Variants in RBM48 observed in about 807,000 individuals in gnomAD.
RBM48 encodes the protein RNA-binding protein 48.
In RBM48, 32 loss-of-function variants were observed where a neutral mutation model predicts 34.8. That is an observed-to-expected ratio of 0.92 (90% CI 0.69 to 1.23). The LOEUF (loss-of-function observed/expected upper bound fraction) is 1.23. Ranked by LOEUF, RBM48 falls within the 50% of genes most tolerant of loss-of-function variation. The pLI is 0.00. For synonymous variants in RBM48, 151 were observed against 156.2 expected (o/e 0.97, Z 0.25); for missense variants, 441 against 447.2 (o/e 0.99, Z 0.12).
intron 4 of RBM48, chr7:92,535,614 G>A (rs1793691693): frequency 1.0e-6 from 1 of 985,278 alleles, no homozygotes; most frequent in Non-Finnish European, 1.2e-6. Flanking sequence ...GTGGGGTAGG[G>A]ACTACTGTTA....
intron 2 of RBM48, 23 bp downstream of exon 2, chr7:92,529,689 A>G (rs769670780): frequency 4.3e-6 from 6 of 1,406,832 alleles, no homozygotes. Context: ...TTAAGAAATG[A>G]CTCATTTCCT....
In RBM48 at chr7:92,529,505, C is replaced by T. The variant is rs767825928; in HGVS notation, c.141C>T (p.Tyr47=). The change falls in exon 2 of 5, where the codon TAC becomes TAT. Residue 47 remains tyrosine, a synonymous_variant. Coordinates refer to ENST00000265732, the MANE Select transcript of RBM48 (RefSeq NM_032120.4). The part of the protein sequence containing the change: ...KVYTINLESQ[Y]LLIQGVPAVG... ...ATACAATCAATTTGGAATCTCAGTA[C>T]TTATTAATACAAGGAGTTCCTGCTG... The T allele has an allele frequency of 2.5e-6, 4 of 1,606,392 alleles. No homozygotes were observed. The highest frequency in any genetic ancestry group is 1.7e-5 in the Admixed American group (1 of 58,992).
intron 2 of RBM48, among the ~76,000 whole-genome samples, chr7:92,530,849 G>A (rs533851265): frequency 6.6e-6 from 1 of 152,134 alleles, no homozygotes; most frequent in Non-Finnish European, 1.5e-5. Flanking sequence ...GAAGGCCAAG[G>A]TAGGCAGATT....
intron 2 of RBM48, among the ~76,000 whole-genome samples, chr7:92,530,325 C>T (rs994973996): frequency 1.3e-5 from 2 of 151,616 alleles, no homozygotes; most frequent in Non-Finnish European, 2.9e-5. Context: ...GGAAACCCCT[C>T]CTCTACTAAA....
chr7:92,535,243 G>C, intron 4 of RBM48: 1 of 1,345,772 alleles, frequency 7.4e-7, no homozygotes, highest in Non-Finnish European at 9.5e-7. Context: ...ATCAATCTGT[G>C]AGAGTGGAGC....
At chr7:92,536,067 T>C in intron 4 of RBM48, 2 of 654,112 alleles carry the variant, frequency 3.1e-6, no homozygotes, top group African/African-American at 3.9e-5. Flanking sequence ...GAGGCGGAGG[T>C]TGCAGTGAGC....
chr7:92,532,247 C>G (rs1056408025), intron 2 of RBM48, among the ~76,000 whole-genome samples, 157 bp from the exon 3 acceptor site: 10 of 152,146 alleles, frequency 6.6e-5, no homozygotes, highest in Non-Finnish European at 1.5e-4. Context: ...TGAATACTGT[C>G]CACAAGCAGA....
At chr7:92,535,453 A>G (rs1375739900) in intron 4 of RBM48, 1 of 1,000,398 alleles carries the variant, frequency 1.0e-6, no homozygotes, top group African/African-American at 1.7e-5. Context: ...CCAGGTATGC[A>G]TTTCAAATGT....
Position 92,536,685 on chromosome 7 carries a change from C to T in RBM48, c.1018-166C>T, listed in dbSNP as rs1038769051. ...TCATCAGTATTCAAATGGAAGACTC[C>T]ACTCTGTGCCTAGGTCATAGGCTGT... On this transcript the variant is annotated intron_variant, in intron 4 of 4. Coordinates refer to ENST00000265732, the MANE Select transcript of RBM48 (RefSeq NM_032120.4). The T allele has an allele frequency of 6.1e-5, 76 of 1,250,614 alleles. No individual in the cohort carries two copies. In the African/African-American group the frequency reaches 1.1e-3, roughly 18 times the overall value. The allele number at this position is 1,250,614 out of a possible 1,614,324, so 77.5% of individuals were successfully genotyped here. A position where few individuals can be genotyped will look rare whatever the true frequency, so the allele number is the denominator to read the frequency against.
At chr7:92,533,642 G>T (rs1336462667) in intron 3 of RBM48, among the ~76,000 whole-genome samples, 1 of 152,082 alleles carries the variant, frequency 6.6e-6, no homozygotes, top group East Asian at 1.9e-4. Flanking sequence ...CAGCATTCTA[G>T]CCTCTACAAG....
At position 92,538,882 on chromosome 7, in the gene RBM48, G is replaced by T. The variant is rs1404337678; in HGVS notation, c.*1945G>T. ...AGAGGAGCTGCTAAATGGGTCGTGT[G>T]TTTCTGAATGGGTTCCTGATAGTCC... On this transcript the variant is annotated 3_prime_UTR_variant, in exon 5 of 5. Transcript: ENST00000265732. Among the ~76,000 whole-genome samples, 2 of 152,202 alleles carry T rather than the reference G, an allele frequency of 1.3e-5. No individual in the cohort carries two copies. Among genetic ancestry groups the T allele is most frequent in the Non-Finnish European group, 2.9e-5 (2 of 68,042 alleles).
chr7:92,534,812 A>G lies in RBM48; in HGVS notation c.859A>G (p.Arg287Gly). The G allele has an allele frequency of 1.2e-6, 2 of 1,614,224 alleles. No individual in the cohort carries two copies. The highest frequency in any genetic ancestry group is 1.7e-6 in the Non-Finnish European group (2 of 1,180,028). Reference protein sequence around the residue: ...RTTQLQERKRRREDDRKLGTF... With the variant: ...RTTQLQERKRGREDDRKLGTF... The stretch of plus-strand genomic sequence containing the variant: ...AACACAACTGCAGGAGCGCAAAAGA[A>G]GAAGAGAAGATGATCGTAAACTTGG... The change falls in exon 4 of 5, where the codon AGA (arginine) becomes GGA (glycine). Residue 287 changes from arginine (R) to glycine (G), a missense_variant. Transcript: ENST00000265732.
chr7:92,529,081 T>G (rs759712004), intron 1 of RBM48, 157 bp downstream of exon 1: 4 of 665,694 alleles, frequency 6.0e-6, no homozygotes, highest in Non-Finnish European at 1.1e-5. Flanking sequence ...TTACCAAAGA[T>G]TCTCACGACG....
chr7:92,538,903 A>C lies in RBM48; in HGVS notation c.*1966A>C, dbSNP rs970473347. 3.3e-5 allele frequency among the ~76,000 whole-genome samples: 5 copies of C among 152,232 alleles called. No individual in the cohort carries two copies. The highest frequency in any genetic ancestry group is 1.2e-4 in the African/African-American group (5 of 41,460). On this transcript the variant is annotated 3_prime_UTR_variant, in exon 5 of 5. Coordinates refer to ENST00000265732, the MANE Select transcript of RBM48 (RefSeq NM_032120.4). ...GTGTGTTTCTGAATGGGTTCCTGAT[A>C]GTCCTGTGACCATGCGGAAGCCAGC...
chr7:92,534,625 C>T lies in RBM48; in HGVS notation c.672C>T (p.Ser224=), dbSNP rs1325440366. The T allele has an allele frequency of 1.2e-6, 2 of 1,614,164 alleles. No homozygotes were observed. Among genetic ancestry groups the T allele is most frequent in the South Asian group, 1.1e-5 (1 of 91,086 alleles). ...SGGPVDRAPD[S]SKDGRNHHKT... ...GACCTGTAGACAGAGCACCAGACTC[C>T]TCTAAGGATGGTAGAAACCATCATA... The change falls in exon 4 of 5, where the codon TCC becomes TCT. Residue 224 remains serine, a synonymous_variant. Transcript: ENST00000265732.
Position 92,534,921 on chromosome 7 carries a change from A to G in RBM48, c.968A>G (p.Asp323Gly). The G allele has an allele frequency of 6.2e-7, 1 of 1,614,206 alleles. No individual in the cohort carries two copies. Residue 323 changes from aspartate to glycine, a missense_variant, in exon 4 of 5, where the codon GAT becomes GGT. Physicochemically the swap from Asp to Gly is moderately conservative, Grantham distance 94. Coordinates refer to ENST00000265732, the MANE Select transcript of RBM48 (RefSeq NM_032120.4). ...GACATCTCTAAAGTGGATATGCACG[A>G]TGACTCATTGAATACAACGGCGAAT... ...LPDISKVDMH[D>G]DSLNTTANLI...
chr7:92,534,290 A>G, intron 3 of RBM48, 112 bp from the exon 4 acceptor site: 1 of 1,386,074 alleles, frequency 7.2e-7, no homozygotes, highest in Non-Finnish European at 9.9e-7. Context: ...TTTTTGGAGT[A>G]GAATTTGTTA....
At position 92,534,854 on chromosome 7, in the gene RBM48, A is replaced by C; in HGVS notation, c.901A>C (p.Asn301His). Reference sequence around the variant, plus strand: ...TAAACTTGGAACTTTTCTTCAAACAAACCCAACTGGTAATGAGATTATGAT... The same window carrying C: ...TAAACTTGGAACTTTTCTTCAAACACACCCAACTGGTAATGAGATTATGAT... ...DRKLGTFLQT[N>H]PTGNEIMIGP... The change falls in exon 4 of 5, where the codon AAC (asparagine) becomes CAC (histidine). Residue 301 changes from asparagine to histidine, a missense_variant. Asn to His is a moderately conservative substitution (Grantham distance 68). Coordinates refer to ENST00000265732, the MANE Select transcript of RBM48 (RefSeq NM_032120.4). The C allele has an allele frequency of 1.2e-6, 2 of 1,614,214 alleles. No individual in the cohort carries two copies. The highest frequency in any genetic ancestry group is 1.7e-6 in the Non-Finnish European group (2 of 1,180,030).
chr7:92,535,227 A>C, intron 4 of RBM48: 1 of 1,373,402 alleles, frequency 7.3e-7, no homozygotes, highest in Non-Finnish European at 9.4e-7. Flanking sequence ...GGTTTCAGCC[A>C]ATTAAATCAA....
Sources: gnomAD v4.1 joint callset for allele counts (sites outside exome capture counted in the v4.1 genomes callset) on GRCh38, gnomAD v4.1.1 for gene constraint, MANE v1.5 for transcripts, NCBI Gene and HGNC (gene_info 2026-07-23, HGNC 2026-07-21) for gene names.